The following PRTG variants were observed in gnomAD, a reference collection of about 807,000 sequenced individuals.
PRTG encodes the protein protogenin.
A neutral mutation model predicts 122.5 loss-of-function variants in PRTG; 67 were observed. The ratio of observed to expected loss-of-function variants is 0.55; its 90% CI spans 0.45 to 0.67. The LOEUF is 0.67. Among genes scored for constraint, PRTG ranks in the 30% least tolerant of loss-of-function variants. The probability of loss-of-function intolerance (pLI) is 0.00; values close to 1 mark genes in which losing one functional copy is unlikely to be tolerated. For synonymous variants in PRTG, 554 were observed against 501.1 expected, an observed-to-expected ratio of 1.11 and a Z score of -1.41; for missense variants, 1,435 against 1,415.4, an observed-to-expected ratio of 1.01 and a Z score of -0.22.
rs1312539801 is a variant in PRTG, at chr15:55,679,577, T to C, written c.974-132A>G. ...CTGACATGCTGAGCTCCTGTCTACA[T>C]CTCCATACATCTCTCCAGGTGCCTT... On this transcript the variant is annotated intron_variant, in intron 6 of 19. Coordinates refer to ENST00000389286, the MANE Select transcript of PRTG (RefSeq NM_173814.6). 3 of 621,060 alleles carry C rather than the reference T, an allele frequency of 4.8e-6. No individual in the cohort carries two copies. The African/African-American group carries it at 5.5e-5, about 11-fold the overall frequency. The allele number at this position is 621,060 out of a possible 1,614,324, so 38.5% of individuals were successfully genotyped here. A position where few individuals can be genotyped will look rare whatever the true frequency, so the allele number is the denominator to read the frequency against.
At chr15:55,621,542 C>A (rs1346848998) in intron 18 of PRTG, among the ~76,000 whole-genome samples, 2 of 151,362 alleles carry the variant, frequency 1.3e-5, no homozygotes, top group Non-Finnish European at 2.9e-5. Flanking sequence ...GCTTCTAGTT[C>A]CAGCTGCTGG....
At chr15:55,738,475 C>T in intron 2 of PRTG, 1 of 700,812 alleles carries the variant, frequency 1.4e-6, no homozygotes, top group Non-Finnish European at 2.6e-6. Context: ...CCTATCTGGC[C>T]ACCTCCACTA....
chr15:55,741,801 C>T (rs950038857), intron 1 of PRTG, among the ~76,000 whole-genome samples: 1 of 152,220 alleles, frequency 6.6e-6, no homozygotes, highest in Admixed American at 6.5e-5. Flanking sequence ...ACGCGAGCCA[C>T]CCTAACAGCC....
At chr15:55,666,887 G>A (rs976876926) in intron 11 of PRTG, among the ~76,000 whole-genome samples, 1 of 152,084 alleles carries the variant, frequency 6.6e-6, no homozygotes, top group Non-Finnish European at 1.5e-5. Context: ...AAAAGATTAG[G>A]TGAACAGCTA....
chr15:55,680,509 T>C lies in PRTG; in HGVS notation c.796A>G (p.Ile266Val). ...CMATGNPKPI[I>V]SWSRLDHKSI... ...GACTTACCAAGGCGGCTCCAAGAAA[T>C]GATTGGTTTGGGATTTCCTGTGGCC... The change falls in exon 5 of 20, where the codon ATT (isoleucine) becomes GTT (valine). Residue 266 changes from isoleucine (I) to valine (V), a missense_variant. Coordinates refer to ENST00000389286, the MANE Select transcript of PRTG (RefSeq NM_173814.6). The C allele has an allele frequency of 6.3e-7, 1 of 1,594,856 alleles. No homozygotes were observed.
chr15:55,635,074 G>GGT (rs869048936), intron 15 of PRTG, among the ~76,000 whole-genome samples: 58 of 135,410 alleles, frequency 4.3e-4, no homozygotes, highest in African/African-American at 1.6e-3. Flanking sequence ...GTTGGTTCTG[G>GGT]GTGTGTGTGT....
chr15:55,671,336 G>T (rs1047924866), intron 11 of PRTG, among the ~76,000 whole-genome samples: 3 of 152,206 alleles, frequency 2.0e-5, no homozygotes, highest in Admixed American at 6.5e-5. Flanking sequence ...TCCAGAAGGT[G>T]TAACAATTCA....
chr15:55,680,475 T>C lies in PRTG; in HGVS notation c.814+16A>G, dbSNP rs62043870. 1.3e-6 allele frequency: 2 copies of C among 1,552,846 alleles called. No individual in the cohort carries two copies. Among genetic ancestry groups the C allele is most frequent in the East Asian group, 2.3e-5 (1 of 44,170 alleles). On this transcript the variant is annotated intron_variant, in intron 5 of 19. Transcript: ENST00000389286. The stretch of plus-strand genomic sequence containing the variant: ...TTAAGGAAAAGACTTTTTTTTTTTT[T>C]CCTGAGAAGACTTACCAAGGCGGCT...
intron 2 of PRTG, among the ~76,000 whole-genome samples, chr15:55,739,761 T>C (rs947344832): frequency 2.6e-5 from 4 of 152,202 alleles, no homozygotes; most frequent in Non-Finnish European, 5.9e-5. Flanking sequence ...GCACACTTTA[T>C]GACAAAAGGG....
chr15:55,720,580 A>C (rs2030777804), intron 2 of PRTG, among the ~76,000 whole-genome samples: 1 of 151,886 alleles, frequency 6.6e-6, no homozygotes. Context: ...TACCTTCCTG[A>C]CAACTGTTTG....
chr15:55,675,381 G>A (rs2141802051), intron 9 of PRTG, 138 bp downstream of exon 9: 1 of 537,618 alleles, frequency 1.9e-6, no homozygotes, highest in South Asian at 4.6e-5. Context: ...AAGCAAGAGT[G>A]AGATTTTGAA....
At chr15:55,643,720 G>A (rs955570201) in intron 11 of PRTG, among the ~76,000 whole-genome samples, 2 of 151,644 alleles carry the variant, frequency 1.3e-5, no homozygotes, top group African/African-American at 4.8e-5. Context: ...CACTGCAGCA[G>A]GCCTTCAAAG....
chr15:55,743,042 C>T lies in PRTG; in HGVS notation c.-111G>A. 7.6e-7 allele frequency: 1 copy of T among 1,311,758 alleles called. No homozygotes were observed. Among genetic ancestry groups the T allele is most frequent in the Non-Finnish European group, 9.7e-7 (1 of 1,034,608 alleles). 81.3% of individuals were successfully genotyped at this position (1,311,758 alleles called of 1,614,324 possible). ...GGCTGGTCGCACGCAGCCTGGCTCC[C>T]CGCTCCGGCTCCGGCACCGGCGTGG... On this transcript the variant is annotated 5_prime_UTR_variant, in exon 1 of 20. Coordinates refer to ENST00000389286, the MANE Select transcript of PRTG (RefSeq NM_173814.6).
chr15:55,626,264 C>T (rs1466557355), intron 17 of PRTG, among the ~76,000 whole-genome samples: 1 of 151,916 alleles, frequency 6.6e-6, no homozygotes, highest in Non-Finnish European at 1.5e-5. Flanking sequence ...TAAAAATTAG[C>T]CAGGCGTGGT....
At chr15:55,709,404 G>C (rs190813077) in intron 2 of PRTG, among the ~76,000 whole-genome samples, 1 of 148,770 alleles carries the variant, frequency 6.7e-6, no homozygotes, top group African/African-American at 2.4e-5. Flanking sequence ...GAGAGAGCGC[G>C]TGAGAGAGTG....
chr15:55,654,566 C>A (rs1226303483), intron 11 of PRTG, among the ~76,000 whole-genome samples: 1 of 152,160 alleles, frequency 6.6e-6, no homozygotes, highest in Non-Finnish European at 1.5e-5. Flanking sequence ...ACATTTCTAT[C>A]AAAAACAATT....
At chr15:55,666,219 T>C (rs12903822) in intron 11 of PRTG, among the ~76,000 whole-genome samples, 86,227 of 152,072 alleles carry the variant, frequency 0.57, 24,792 homozygotes, top group Middle Eastern at 0.7. Flanking sequence ...GGGCTTTTGC[T>C]ACATCCTCAC....
rs766867634 is a variant in PRTG, at chr15:55,641,127, G to A, written c.2123C>T (p.Thr708Ile). Residue 708 changes from threonine (T) to isoleucine (I), a missense_variant, in exon 12 of 20, where the codon ACT becomes ATT. Physicochemically the swap from Thr to Ile is moderately conservative, Grantham distance 89. Transcript: ENST00000389286. ...DGYQADQTVS[T>I]PGCVSVRDRM... The stretch of plus-strand genomic sequence containing the variant: ...CTTTCACTTACACACGCATCCTGGA[G>A]TGCTGACAGTCTGATCTGCCTGATA... The A allele has an allele frequency of 6.2e-7, 1 of 1,613,014 alleles. No individual in the cohort carries two copies. Among genetic ancestry groups the A allele is most frequent in the Non-Finnish European group, 8.5e-7 (1 of 1,179,004 alleles).
chr15:55,612,627 T>A lies in PRTG; in HGVS notation c.*7385A>T, dbSNP rs2059125056. The A allele has an allele frequency of 6.8e-6, 1 of 147,936 alleles. No homozygotes were observed. Among genetic ancestry groups the A allele is most frequent in the African/African-American group, 2.5e-5 (1 of 39,808 alleles). 9.2% of individuals were successfully genotyped at this position (147,936 alleles called of 1,614,324 possible). ...AGATCTTTTAGAGAAAAATCCTAAA[T>A]ATGTACTTTTCTCCTCACCCATCTA... is the stretch of plus-strand genomic sequence containing the variant. On this transcript the variant is annotated 3_prime_UTR_variant, in exon 20 of 20. Transcript: ENST00000389286.
Sources: gnomAD v4.1 joint callset for allele counts (sites outside exome capture counted in the v4.1 genomes callset) on GRCh38, gnomAD v4.1.1 for gene constraint, MANE v1.5 for transcripts, NCBI Gene and HGNC (gene_info 2026-07-23, HGNC 2026-07-21) for gene names.